The following TNFSF8 variants were observed in gnomAD, a reference collection of about 807,000 sequenced individuals.
TNFSF8 encodes the protein TNF superfamily member 8, also known as tumor necrosis factor ligand superfamily member 8.
In TNFSF8, 4 loss-of-function variants were observed where a neutral mutation model predicts 22.0. The ratio of observed to expected loss-of-function variants is 0.18; its 90% CI spans 0.09 to 0.42. The LOEUF (loss-of-function observed/expected upper bound fraction) is 0.42. Among genes scored for constraint, TNFSF8 ranks in the 10% least tolerant of loss-of-function variants. TNFSF8 has a pLI of 1.00. For missense variants in TNFSF8, 233 were observed against 281.8 expected, an observed-to-expected ratio of 0.83 and a Z score of 1.24; for synonymous variants, 106 against 112.5, an observed-to-expected ratio of 0.94 and a Z score of 0.37.
intron 1 of TNFSF8, among the ~76,000 whole-genome samples, chr9:114,924,903 C>T (rs1259941229): frequency 6.6e-6 from 1 of 152,148 alleles, no homozygotes; most frequent in Non-Finnish European, 1.5e-5. Flanking sequence ...ACACAGGGCT[C>T]GCTCCTGGGA....
intron 1 of TNFSF8, among the ~76,000 whole-genome samples, chr9:114,927,929 A>C (rs979500849): frequency 2.0e-5 from 3 of 151,874 alleles, no homozygotes; most frequent in Non-Finnish European, 4.4e-5. Context: ...TTCCTATAGG[A>C]AACCCTTCCT....
chr9:114,893,878 T>G (rs763002107), exon 5 of TNFSF8: 140 of 538,046 alleles, frequency 2.6e-4, no homozygotes, highest in Admixed American at 6.8e-4. Flanking sequence ...TTTTTCTCTC[T>G]CTGGGGCCAG....
At chr9:114,922,066 T>C (rs553549115) in intron 1 of TNFSF8, among the ~76,000 whole-genome samples, 3 of 143,916 alleles carry the variant, frequency 2.1e-5, no homozygotes, top group Admixed American at 1.4e-4. Context: ...ATCATCCATC[T>C]TTCCACTGGG....
intron 2 of TNFSF8, among the ~76,000 whole-genome samples, chr9:114,909,589 G>T (rs1260873628): frequency 6.6e-6 from 1 of 152,196 alleles, no homozygotes; most frequent in Admixed American, 6.5e-5. Context: ...TGGATTTGAT[G>T]ATCTGTCTTA....
intron 1 of TNFSF8, among the ~76,000 whole-genome samples, chr9:114,925,011 ACTT>A (rs948994453): frequency 6.6e-5 from 10 of 152,108 alleles, no homozygotes; most frequent in Admixed American, 5.9e-4. Context: ...ATTCCAAATA[ACTT>A]CTTCTTGTGC....
chr9:114,898,577 A>G (rs903290024), downstream of TNFSF8, among the ~76,000 whole-genome samples: 2 of 152,102 alleles, frequency 1.3e-5, no homozygotes, highest in African/African-American at 4.8e-5. Context: ...ATATTCAGAG[A>G]CTGAGATAGT....
chr9:114,917,614 T>G (rs186019040), intron 2 of TNFSF8, among the ~76,000 whole-genome samples: 9 of 152,206 alleles, frequency 5.9e-5, no homozygotes, highest in African/African-American at 2.2e-4. Context: ...GCATTTTAGC[T>G]ATTACTAGTT....
At chr9:114,898,204 A>G (rs1211562321), downstream of TNFSF8, among the ~76,000 whole-genome samples, 1 of 151,926 alleles carries the variant, frequency 6.6e-6, no homozygotes, top group Non-Finnish European at 1.5e-5. Flanking sequence ...AGGTTTCACT[A>G]TGTTGGCCAG....
At chr9:114,909,855 G>A (rs531878888) in intron 2 of TNFSF8, among the ~76,000 whole-genome samples, 1 of 152,338 alleles carries the variant, frequency 6.6e-6, no homozygotes, top group African/African-American at 2.4e-5. Flanking sequence ...GGTTCTGTAA[G>A]GATTTGCATA....
chr9:114,923,096 G>A (rs769304452), intron 1 of TNFSF8, among the ~76,000 whole-genome samples: 13 of 152,026 alleles, frequency 8.6e-5, no homozygotes, highest in East Asian at 1.9e-4. Flanking sequence ...TGTCCTCTCC[G>A]TCTCTTCTAT....
At position 114,902,002 on chromosome 9, in the gene TNFSF8, G is replaced by A; in HGVS notation, c.*1929C>T. 1.0e-6 allele frequency: 1 copy of A among 985,116 alleles called. No homozygotes were observed. The highest frequency in any genetic ancestry group is 1.2e-6 in the Non-Finnish European group (1 of 829,870). The allele number at this position is 985,116 out of a possible 1,614,324, so 61.0% of individuals were successfully genotyped here. A position where few individuals can be genotyped will look rare whatever the true frequency, so the allele number is the denominator to read the frequency against. ...GTCCTACTCCTTTTCTCTCCTTCTT[G>A]AGAAAAATGCAAATTTTGCTCCATG... On this transcript the variant is annotated 3_prime_UTR_variant, in exon 4 of 4. Coordinates refer to ENST00000223795, the MANE Select transcript of TNFSF8 (RefSeq NM_001244.4).
At chr9:114,897,896 A>C (rs1231258477), downstream of TNFSF8, among the ~76,000 whole-genome samples, 1 of 152,132 alleles carries the variant, frequency 6.6e-6, no homozygotes, top group Non-Finnish European at 1.5e-5. Flanking sequence ...AGTTAGGCAA[A>C]CTTGGTCTTA....
rs149026739 is a variant in TNFSF8 at position 114,894,761 on chromosome 9, G to A, written c.410-597C>T. ...TATATCTATTTACGTAACATAAAGC[G>A]GTTTAAGTAAACACATCAAAGTAAT... On this transcript the variant is annotated intron_variant, in intron 4 of 4. Coordinates refer to the TNFSF8 transcript ENST00000618336. Among the ~76,000 whole-genome samples, 178 of 152,262 alleles carry A rather than the reference G, an allele frequency of 1.2e-3. 1 individual carries two copies. Among genetic ancestry groups the A allele is most frequent in the African/African-American group, 3.9e-3 (162 of 41,540 alleles).
downstream of TNFSF8, among the ~76,000 whole-genome samples, chr9:114,897,522 G>T (rs924489570): frequency 6.6e-6 from 1 of 152,104 alleles, no homozygotes; most frequent in Admixed American, 6.6e-5. Flanking sequence ...TGCAATTAAC[G>T]ATGGGGAAGC....
intron 2 of TNFSF8, among the ~76,000 whole-genome samples, chr9:114,913,152 A>C (rs1827872607): frequency 6.6e-6 from 1 of 152,160 alleles, no homozygotes; most frequent in African/African-American, 2.4e-5. Context: ...AGTCCTCTGC[A>C]TTTCATACCC....
chr9:114,894,037 A>G, exon 5 of TNFSF8: 1 of 1,480,846 alleles, frequency 6.8e-7, no homozygotes, highest in Non-Finnish European at 9.1e-7. Flanking sequence ...ACAGTGACCC[A>G]GGGTAGAAGC....
chr9:114,904,272 G>A lies in TNFSF8; in HGVS notation c.364C>T (p.His122Tyr). Residue 122 changes from histidine to tyrosine, a missense_variant, in exon 4 of 4, where the codon CAT becomes TAT. By Grantham distance (83) the His-to-Tyr change is moderately conservative (BLOSUM62 2). Coordinates refer to ENST00000223795, the MANE Select transcript of TNFSF8 (RefSeq NM_001244.4). Reference sequence around the variant, plus strand: ...TTCCCATCCTGATATCTGACTCCATGGAGAATGCCATCTTTGTTCCAAGAC... The same window carrying A: ...TTCCCATCCTGATATCTGACTCCATAGAGAATGCCATCTTTGTTCCAAGAC... The part of the protein sequence containing the change: ...KLSWNKDGIL[H>Y]GVRYQDGNLV... 6.2e-7 allele frequency: 1 copy of A among 1,613,798 alleles called. No individual in the cohort carries two copies. Among genetic ancestry groups the A allele is most frequent in the Non-Finnish European group, 8.5e-7 (1 of 1,179,828 alleles).
chr9:114,919,284 ATTAT>A (rs1311352696), intron 1 of TNFSF8, among the ~76,000 whole-genome samples: 1 of 152,100 alleles, frequency 6.6e-6, no homozygotes, highest in South Asian at 2.1e-4. Flanking sequence ...TACATAGTAT[ATTAT>A]TTATTCTGTA....
Position 114,902,280 on chromosome 9 carries a change from A to T in TNFSF8, c.*1651T>A, listed in dbSNP as rs1827727072. 1.0e-6 allele frequency: 1 copy of T among 985,324 alleles called. No homozygotes were observed. Among genetic ancestry groups the T allele is most frequent in the Non-Finnish European group, 1.2e-6 (1 of 829,946 alleles). 61.0% of individuals were successfully genotyped at this position (985,324 alleles called of 1,614,324 possible). The stretch of plus-strand genomic sequence containing the variant: ...TGTCTCTCAACAACTTTGTGGGGAT[A>T]TAAAAACCCTCGCGGAACTGGTTTT... On this transcript the variant is annotated 3_prime_UTR_variant, in exon 4 of 4. Transcript: ENST00000223795.
Sources: allele counts gnomAD v4.1 joint callset (sites outside exome capture counted in the v4.1 genomes callset), GRCh38; gene constraint gnomAD v4.1.1; transcripts MANE v1.5; gene names NCBI Gene and HGNC (gene_info 2026-07-23, HGNC 2026-07-21).